The following PLCB4 variants were observed in gnomAD, a reference collection of about 807,000 sequenced individuals.
The protein encoded by PLCB4 is phospholipase C beta 4.
PLCB4 carries 77 observed loss-of-function variants against 178.8 expected under a neutral mutation model. The ratio of observed to expected loss-of-function variants is 0.43; its 90% CI spans 0.36 to 0.52. PLCB4 has a LOEUF of 0.52. Among genes scored for constraint, PLCB4 ranks in the 20% least tolerant of loss-of-function variants. The pLI is 0.00. For synonymous variants in PLCB4, 496 were observed against 490.8 expected (o/e 1.01, Z -0.14); for missense variants, 1,024 against 1,453.4 (o/e 0.70, Z 4.80).
intron 4 of PLCB4, among the ~76,000 whole-genome samples, chr20:9,325,488 T>C (rs2030346607): frequency 6.6e-6 from 1 of 152,196 alleles, no homozygotes; most frequent in African/African-American, 2.4e-5. Context: ...ACCTCTTTTC[T>C]GGCAAGAGTC....
chr20:9,467,284 G>A (rs183494068), intron 35 of PLCB4, among the ~76,000 whole-genome samples: 51 of 152,276 alleles, frequency 3.3e-4, no homozygotes, highest in African/African-American at 1.2e-3. Flanking sequence ...TTTGGAGGGT[G>A]GGGGACTGGG....
chr20:9,259,031 A>G (rs1287202763), intron 3 of PLCB4, among the ~76,000 whole-genome samples: 1 of 152,228 alleles, frequency 6.6e-6, no homozygotes, highest in Admixed American at 6.5e-5. Context: ...TTATTTGGCA[A>G]ATCTTTTAAA....
At chr20:9,477,592 T>C (rs917133001) in intron 39 of PLCB4, among the ~76,000 whole-genome samples, 1 of 152,198 alleles carries the variant, frequency 6.6e-6, no homozygotes, top group African/African-American at 2.4e-5. Flanking sequence ...GTTTGTGTCA[T>C]AGTTTCATGT....
intron 3 of PLCB4, among the ~76,000 whole-genome samples, chr20:9,299,273 A>G (rs1246959403): frequency 6.6e-6 from 1 of 152,070 alleles, no homozygotes; most frequent in Non-Finnish European, 1.5e-5. Context: ...ACAAGTTTTA[A>G]AATTGTATCC....
intron 4 of PLCB4, among the ~76,000 whole-genome samples, chr20:9,322,437 C>A (rs1364442173): frequency 6.6e-6 from 1 of 152,166 alleles, no homozygotes; most frequent in Non-Finnish European, 1.5e-5. Context: ...AAAATACTTT[C>A]TCTTAAAGCC....
Position 9,421,436 on chromosome 20 carries a change from A to T in PLCB4, c.2294A>T (p.Asn765Ile). ...VMNNGLNPVY[N>I]EESFVFRKVI... is the part of the protein sequence containing the mutation. ...AATAATGGACTCAATCCAGTTTACA[A>T]TGAAGAGTCATTTGTATTTCGGAAG... The change falls in exon 27 of 40, where the codon AAT becomes ATT. Residue 765 changes from asparagine (N) to isoleucine (I), a missense_variant. By Grantham distance (149) the Asn-to-Ile change is moderately radical. Coordinates refer to ENST00000378473, the MANE Select transcript of PLCB4 (RefSeq NM_001377142.1). 6.2e-7 allele frequency: 1 copy of T among 1,613,660 alleles called. No homozygotes were observed. The highest frequency in any genetic ancestry group is 8.5e-7 in the Non-Finnish European group (1 of 1,179,758).
chr20:9,417,825 T>G (rs1413092135), intron 25 of PLCB4, among the ~76,000 whole-genome samples: 1 of 152,172 alleles, frequency 6.6e-6, no homozygotes, highest in East Asian at 1.9e-4. Flanking sequence ...ACTAGCAACA[T>G]ATGAGAGTTC....
chr20:9,385,904 G>A (rs1057396462), intron 14 of PLCB4, among the ~76,000 whole-genome samples: 7 of 152,174 alleles, frequency 4.6e-5, no homozygotes, highest in East Asian at 1.9e-4. Flanking sequence ...CAAGGCAGGC[G>A]GCTGGAAGGT....
chr20:9,191,280 G>T (rs2093399469), intron 2 of PLCB4, among the ~76,000 whole-genome samples: 1 of 151,068 alleles, frequency 6.6e-6, no homozygotes, highest in Non-Finnish European at 1.5e-5. Flanking sequence ...TAAGAGATGG[G>T]ATCTTTAAGA....
chr20:9,205,228 T>C (rs2093601851), intron 2 of PLCB4, among the ~76,000 whole-genome samples: 1 of 152,198 alleles, frequency 6.6e-6, no homozygotes, highest in Non-Finnish European at 1.5e-5. Context: ...ATTCAACGCT[T>C]AACTATAAAA....
At chr20:9,310,342 G>A (rs1000689853) in intron 4 of PLCB4, among the ~76,000 whole-genome samples, 22 of 152,186 alleles carry the variant, frequency 1.4e-4, no homozygotes, top group African/African-American at 4.8e-4. Flanking sequence ...AATGCTGTCA[G>A]CACCATATGA....
intron 4 of PLCB4, among the ~76,000 whole-genome samples, chr20:9,319,221 A>G (rs1316866816): frequency 1.3e-5 from 2 of 149,268 alleles, no homozygotes; most frequent in East Asian, 4.2e-4. Context: ...AGGGAGAAGA[A>G]ATTTTTTTAA....
At chr20:9,101,433 C>CT (rs1202530086) in intron 2 of PLCB4, among the ~76,000 whole-genome samples, 1 of 152,074 alleles carries the variant, frequency 6.6e-6, no homozygotes, top group Non-Finnish European at 1.5e-5. Context: ...AACAGAAAAT[C>CT]TTTAATAGTC....
intron 3 of PLCB4, among the ~76,000 whole-genome samples, chr20:9,277,028 G>C (rs2094456458): frequency 6.6e-6 from 1 of 152,030 alleles, no homozygotes. Context: ...GGGGCCCCCA[G>C]GTAATCTGGA....
chr20:9,399,069 A>G (rs532435530), intron 19 of PLCB4, among the ~76,000 whole-genome samples: 2 of 152,372 alleles, frequency 1.3e-5, no homozygotes, highest in Non-Finnish European at 2.9e-5. Flanking sequence ...ACACACAGTC[A>G]TCTGAAATTA....
chr20:9,088,349 C>CAA (rs1316045151), intron 1 of PLCB4, among the ~76,000 whole-genome samples: 1 of 152,062 alleles, frequency 6.6e-6, no homozygotes, highest in African/African-American at 2.4e-5. Context: ...TGGACATATA[C>CAA]AAGGAACTCA....
At chr20:9,160,373 G>A (rs1437929781) in intron 2 of PLCB4, among the ~76,000 whole-genome samples, 1 of 152,116 alleles carries the variant, frequency 6.6e-6, no homozygotes, top group Admixed American at 6.6e-5. Context: ...TTATTCATCC[G>A]TATATACCTG....
chr20:9,387,891 G>C (rs1834496974), intron 15 of PLCB4, among the ~76,000 whole-genome samples: 1 of 152,176 alleles, frequency 6.6e-6, no homozygotes, highest in Admixed American at 6.5e-5. Context: ...CTTCAAGGTG[G>C]CATAAAAAGA....
At chr20:9,214,709 GTC>G (rs1245495723) in intron 2 of PLCB4, among the ~76,000 whole-genome samples, 2 of 152,106 alleles carry the variant, frequency 1.3e-5, no homozygotes, top group Non-Finnish European at 2.9e-5. Context: ...GTATGCTGGA[GTC>G]TTCATTCACA....
Sources: allele counts gnomAD v4.1 joint callset (sites outside exome capture counted in the v4.1 genomes callset), GRCh38; gene constraint gnomAD v4.1.1; transcripts MANE v1.5; gene names NCBI Gene and HGNC (gene_info 2026-07-23, HGNC 2026-07-21).